Variants in MBNL2 observed in about 807,000 individuals in gnomAD.
MBNL2 encodes muscleblind-like protein 2.
In MBNL2, 17 loss-of-function variants were observed where a neutral mutation model predicts 41.9. That is an observed-to-expected ratio of 0.41 (90% CI 0.28 to 0.61). MBNL2 has a LOEUF of 0.61. Among genes scored for constraint, MBNL2 ranks in the 20% least tolerant of loss-of-function variants. The pLI is 0.35. For synonymous variants in MBNL2, 195 were observed against 182.9 expected (o/e 1.07, Z -0.53); for missense variants, 336 against 505.6 (o/e 0.66, Z 3.22).
intron 1 of MBNL2, among the ~76,000 whole-genome samples, chr13:97,262,909 A>G (rs2048918722): frequency 6.6e-6 from 1 of 152,082 alleles, no homozygotes; most frequent in African/African-American, 2.4e-5. Context: ...GATTACAGGC[A>G]TGCATCACCA....
At chr13:97,265,880 C>T (rs1413646817) in intron 1 of MBNL2, among the ~76,000 whole-genome samples, 1 of 151,960 alleles carries the variant, frequency 6.6e-6, no homozygotes, top group Non-Finnish European at 1.5e-5. Context: ...AGAGTAGAGT[C>T]CAGGTTAGAA....
At chr13:97,345,932 TAG>T (rs1220979830) in intron 4 of MBNL2, among the ~76,000 whole-genome samples, 3 of 152,184 alleles carry the variant, frequency 2.0e-5, no homozygotes, top group East Asian at 1.9e-4. Flanking sequence ...ATTGAAGATA[TAG>T]AGAGAGGTAG....
At chr13:97,295,859 G>A (rs1335218189) in intron 2 of MBNL2, among the ~76,000 whole-genome samples, 1 of 151,990 alleles carries the variant, frequency 6.6e-6, no homozygotes, top group Non-Finnish European at 1.5e-5. Flanking sequence ...CAGCATTTAA[G>A]GTATAGAACA....
chr13:97,220,140 T>A (rs1300140790), upstream of MBNL2, among the ~76,000 whole-genome samples: 1 of 152,224 alleles, frequency 6.6e-6, no homozygotes, highest in African/African-American at 2.4e-5. Flanking sequence ...CTAACTGCAA[T>A]GAACAATGCA....
upstream of MBNL2, among the ~76,000 whole-genome samples, chr13:97,217,116 G>A (rs1360640051): frequency 6.8e-6 from 1 of 148,088 alleles, no homozygotes; most frequent in East Asian, 1.9e-4. Flanking sequence ...TATACAGTAT[G>A]CATATAATAT....
At chr13:97,142,663 C>T in the MBNL2 span, among the ~76,000 whole-genome samples, 1 of 152,174 alleles carries the variant, frequency 6.6e-6, no homozygotes, top group African/African-American at 2.4e-5. Flanking sequence ...CCCGGCTTTC[C>T]TAGGTATCTC....
intron 2 of MBNL2, among the ~76,000 whole-genome samples, chr13:97,318,901 C>T (rs1407029913): frequency 3.3e-5 from 5 of 152,170 alleles, no homozygotes; most frequent in Admixed American, 3.3e-4. Context: ...TGTGTTGTCT[C>T]AAGGTCTCCG....
At chr13:97,163,760 G>A in the MBNL2 span, among the ~76,000 whole-genome samples, 1 of 152,092 alleles carries the variant, frequency 6.6e-6, no homozygotes, top group Non-Finnish European at 1.5e-5. Context: ...CTATCCTCAG[G>A]GAAGGGGTGG....
chr13:97,351,338 T>C lies in MBNL2; in HGVS notation c.804+4271T>C, dbSNP rs554807623. On this transcript the variant is annotated intron_variant, in intron 5 of 8. Coordinates refer to ENST00000679496, the MANE Select transcript of MBNL2 (RefSeq NM_001382683.1). ...ATAATTCATAAGGGCCCTAGAATTTTCAGAATGGTAAATGAGCATTGGCTT... is the reference window on the plus strand; with the variant it reads ...ATAATTCATAAGGGCCCTAGAATTTCCAGAATGGTAAATGAGCATTGGCTT... Among the ~76,000 whole-genome samples the C allele has an allele frequency of 9.8e-5, 15 of 152,344 alleles. No individual in the cohort carries two copies. In the South Asian group the frequency reaches 2.9e-3, roughly 29 times the overall value.
chr13:97,316,920 T>C (rs80046854), intron 2 of MBNL2, among the ~76,000 whole-genome samples: 2,361 of 152,304 alleles, frequency 0.016, 58 homozygotes, highest in African/African-American at 0.048. Context: ...TGATATCCCA[T>C]GTCCCTGGAA....
chr13:97,328,827 T>G (rs2060133173), intron 2 of MBNL2, among the ~76,000 whole-genome samples: 1 of 152,210 alleles, frequency 6.6e-6, no homozygotes, highest in South Asian at 2.1e-4. Context: ...TTCTTTTTTG[T>G]GCCCATATTT....
At chr13:97,223,359 G>T (rs1194878440) in intron 1 of MBNL2, among the ~76,000 whole-genome samples, 2 of 152,196 alleles carry the variant, frequency 1.3e-5, no homozygotes. Context: ...TGATGGAGAA[G>T]ATTTATTTTT....
intron 1 of MBNL2, among the ~76,000 whole-genome samples, chr13:97,255,242 C>T (rs1376133886): frequency 6.6e-6 from 1 of 152,202 alleles, no homozygotes; most frequent in Non-Finnish European, 1.5e-5. Context: ...AAGAAATCTG[C>T]TTAATTATCT....
chr13:97,241,295 G>T (rs1247869673), intron 1 of MBNL2, among the ~76,000 whole-genome samples: 1 of 152,086 alleles, frequency 6.6e-6, no homozygotes, highest in Non-Finnish European at 1.5e-5. Flanking sequence ...GGAGCTCTGG[G>T]TCATAAGATT....
intron 7 of MBNL2, among the ~76,000 whole-genome samples, chr13:97,361,031 C>T (rs1012384590): frequency 6.6e-6 from 1 of 152,214 alleles, no homozygotes; most frequent in Admixed American, 6.5e-5. Context: ...TTCATTAAAA[C>T]ATACCTTGAA....
At chr13:97,391,203 A>G in intron 8 of MBNL2, 119 bp from the exon 9 acceptor site, 1 of 624,072 alleles carries the variant, frequency 1.6e-6, no homozygotes, top group Non-Finnish European at 2.8e-6. Flanking sequence ...GCATCAAAAT[A>G]ATGAGAGATT....
At chr13:97,279,375 C>T (rs1370317844) in intron 2 of MBNL2, among the ~76,000 whole-genome samples, 2 of 152,238 alleles carry the variant, frequency 1.3e-5, no homozygotes, top group African/African-American at 4.8e-5. Context: ...ACTTCAAAGA[C>T]TGCCTGACCT....
intron 1 of MBNL2, among the ~76,000 whole-genome samples, chr13:97,231,442 G>A (rs2042366868): frequency 1.3e-5 from 2 of 152,248 alleles, no homozygotes; most frequent in African/African-American, 4.8e-5. Flanking sequence ...CACAATGTGA[G>A]TGGCAGCAGA....
chr13:97,338,697 C>T (rs963176725), intron 3 of MBNL2, among the ~76,000 whole-genome samples: 1 of 152,138 alleles, frequency 6.6e-6, no homozygotes, highest in Non-Finnish European at 1.5e-5. Flanking sequence ...CAAGTGTGAG[C>T]GACCTTTAGG....
Sources: gnomAD v4.1 joint callset for allele counts (sites outside exome capture counted in the v4.1 genomes callset) on GRCh38, gnomAD v4.1.1 for gene constraint, MANE v1.5 for transcripts, NCBI Gene and HGNC (gene_info 2026-07-23, HGNC 2026-07-21) for gene names.